SNAP91: variants seen among roughly 807,000 people sequenced by gnomAD.
SNAP91 encodes the protein synaptosome associated protein 91.
A neutral mutation model predicts 100.3 loss-of-function variants in SNAP91; 27 were observed. The ratio of observed to expected loss-of-function variants is 0.27; its 90% CI spans 0.20 to 0.37. The LOEUF (loss-of-function observed/expected upper bound fraction) is 0.37, where lower values mean the gene tolerates loss of function less well. SNAP91 is among the 10% of genes least tolerant of loss of function. The pLI is 1.00. For missense variants in SNAP91, 986 were observed against 1,123.7 expected (o/e 0.88, Z 1.75); for synonymous variants, 404 against 398.6 (o/e 1.01, Z -0.16).
chr6:83,688,653 G>C (rs769605013), intron 2 of SNAP91, among the ~76,000 whole-genome samples: 2 of 152,018 alleles, frequency 1.3e-5, no homozygotes, highest in African/African-American at 2.4e-5. Flanking sequence ...ACAGACATAT[G>C]TTATCACACC....
In SNAP91 at chr6:83,556,238, G is replaced by T. The variant is rs1261149579; in HGVS notation, c.2639C>A (p.Pro880Gln). 1 of 1,532,264 alleles carries T rather than the reference G, an allele frequency of 6.5e-7. No individual in the cohort carries two copies. The highest frequency in any genetic ancestry group is 2.6e-5 in the East Asian group (1 of 39,080). The allele number at this position is 1,532,264 out of a possible 1,614,324, so 94.9% of individuals were successfully genotyped here. A position where few individuals can be genotyped will look rare whatever the true frequency, so the allele number is the denominator to read the frequency against. Residue 880 changes from proline to glutamine, a missense_variant, in exon 29 of 30, where the codon CCA (proline) becomes CAA (glutamine). Physicochemically the swap from Pro to Gln is moderately conservative, Grantham distance 76. This residue lies in a region of SNAP91 where 71 missense variants were observed against 68.5 expected (regional missense o/e 1.04). Transcript: ENST00000369694. ...ACTCTGACTGGCAGGTGTAGGGCTT[G>T]GAGAAAGCTAATGGGAAAAAGCCAG... ...AAAVPGTQLS[P>Q]SPTPASQSPK...
Position 83,612,761 on chromosome 6 carries a change from C to T in SNAP91, c.885-2084G>A, listed in dbSNP as rs149770022. ...TAAAAATTAGCTGGGTGTGGTGGCACGCGCCTGTAATCCCAGCTACTCAGG... is the reference window on the plus strand; with the variant it reads ...TAAAAATTAGCTGGGTGTGGTGGCATGCGCCTGTAATCCCAGCTACTCAGG... On this transcript the variant is annotated intron_variant, in intron 11 of 29. Coordinates refer to ENST00000369694, the MANE Select transcript of SNAP91 (RefSeq NM_001242792.2). Among the ~76,000 whole-genome samples, 1,113 of 151,684 alleles carry T rather than the reference C, an allele frequency of 7.3e-3. 7 individuals are homozygous for T. Among genetic ancestry groups the T allele is most frequent in the Non-Finnish European group, 7.9e-3 (533 of 67,876 alleles).
chr6:83,654,933 T>C (rs2098352135), intron 7 of SNAP91, among the ~76,000 whole-genome samples: 1 of 152,174 alleles, frequency 6.6e-6, no homozygotes, highest in South Asian at 2.1e-4. Flanking sequence ...CCATCAGAAG[T>C]AGTTTTCTGT....
At chr6:83,667,170 T>C (rs1012297189) in intron 2 of SNAP91, among the ~76,000 whole-genome samples, 6 of 152,068 alleles carry the variant, frequency 3.9e-5, no homozygotes, top group African/African-American at 1.2e-4. Context: ...CAAAGTACCA[T>C]ATAGACCAAT....
chr6:83,608,476 A>G (rs2095789389), intron 12 of SNAP91, among the ~76,000 whole-genome samples: 1 of 152,168 alleles, frequency 6.6e-6, no homozygotes, highest in African/African-American at 2.4e-5. Flanking sequence ...TAACTAAACA[A>G]TTTTGTCTGG....
rs569953438 is a variant in SNAP91 at position 83,686,150 on chromosome 6, T to C, written c.131-20569A>G. On this transcript the variant is annotated intron_variant, in intron 2 of 29. Coordinates refer to ENST00000369694, the MANE Select transcript of SNAP91 (RefSeq NM_001242792.2). The stretch of plus-strand genomic sequence containing the variant: ...TACCTCAGTTGCTTAAATTCTAGCC[T>C]TCCTTAATATCCCACAATCAACACT... 2.4e-5 allele frequency: 24 copies of C among 985,176 alleles called. No individual in the cohort carries two copies. The South Asian group carries it at 9.4e-4, about 39-fold the overall frequency. The allele number at this position is 985,176 out of a possible 1,614,324, so 61.0% of individuals were successfully genotyped here.
chr6:83,588,237 A>T (rs1355847501), intron 22 of SNAP91, among the ~76,000 whole-genome samples: 1 of 152,230 alleles, frequency 6.6e-6, no homozygotes, highest in African/African-American at 2.4e-5. Context: ...AGCAAATGAG[A>T]CATTAAACTC....
intron 2 of SNAP91, among the ~76,000 whole-genome samples, chr6:83,701,509 C>T (rs896194087): frequency 3.8e-4 from 57 of 151,560 alleles, no homozygotes; most frequent in Admixed American, 2.6e-4. Flanking sequence ...TACAATGGCG[C>T]GATCTCGGCT....
At chr6:83,613,620 G>A (rs1048011301) in intron 11 of SNAP91, among the ~76,000 whole-genome samples, 6 of 152,120 alleles carry the variant, frequency 3.9e-5, no homozygotes, top group African/African-American at 1.4e-4. Context: ...ATGCTTTAAC[G>A]GTGGATTCCA....
chr6:83,654,021 C>T (rs890795800), intron 7 of SNAP91, among the ~76,000 whole-genome samples: 4 of 152,114 alleles, frequency 2.6e-5, no homozygotes, highest in Non-Finnish European at 4.4e-5. Context: ...TTCTCCTCCC[C>T]GTCCTGGAAG....
intron 26 of SNAP91, among the ~76,000 whole-genome samples, chr6:83,567,943 C>T (rs893801568): frequency 2.6e-5 from 4 of 151,988 alleles, no homozygotes; most frequent in African/African-American, 9.7e-5. Context: ...GTTGTGATTC[C>T]TCAGGGATCT....
intron 2 of SNAP91, among the ~76,000 whole-genome samples, chr6:83,668,390 T>C (rs925246990): frequency 6.6e-6 from 1 of 152,176 alleles, no homozygotes; most frequent in Admixed American, 6.6e-5. Context: ...CGTATGTTTA[T>C]TGCAGCAATA....
chr6:83,627,257 T>G (rs1304325407), intron 8 of SNAP91, among the ~76,000 whole-genome samples: 11 of 152,130 alleles, frequency 7.2e-5, no homozygotes, highest in Admixed American at 7.2e-4. Flanking sequence ...TTGCTATTAT[T>G]TTGTTGAGGA....
At chr6:83,662,764 C>G (rs1408623342) in intron 3 of SNAP91, among the ~76,000 whole-genome samples, 1 of 152,034 alleles carries the variant, frequency 6.6e-6, no homozygotes, top group East Asian at 1.9e-4. Flanking sequence ...GAAATCTTTC[C>G]TATGGGAAAA....
At chr6:83,633,814 G>T (rs1188242099) in intron 8 of SNAP91, among the ~76,000 whole-genome samples, 2 of 152,060 alleles carry the variant, frequency 1.3e-5, no homozygotes, top group Non-Finnish European at 1.5e-5. Context: ...TCCCAGCTGC[G>T]AAGGCAAATA....
intron 2 of SNAP91, among the ~76,000 whole-genome samples, chr6:83,702,150 GT>G (rs1192904651): frequency 2.0e-5 from 3 of 152,164 alleles, no homozygotes; most frequent in Non-Finnish European, 4.4e-5. Context: ...AAGGATAAAT[GT>G]TTTTAATGGC....
chr6:83,575,976 T>C, intron 25 of SNAP91, 47 bp downstream of exon 25: 2 of 1,096,640 alleles, frequency 1.8e-6, no homozygotes, highest in Non-Finnish European at 2.6e-6. Flanking sequence ...CTCAAATGAA[T>C]ACAAATATAC....
At chr6:83,589,966 T>C (rs995449878) in intron 22 of SNAP91, among the ~76,000 whole-genome samples, 2 of 152,220 alleles carry the variant, frequency 1.3e-5, no homozygotes, top group Admixed American at 1.3e-4. Flanking sequence ...ACTATTCATA[T>C]GCTTTATCAA....
chr6:83,696,004 C>A (rs2099204774), intron 2 of SNAP91, among the ~76,000 whole-genome samples: 1 of 152,030 alleles, frequency 6.6e-6, no homozygotes, highest in Non-Finnish European at 1.5e-5. Context: ...GGTCACAGCC[C>A]ACTCATTAGC....
Sources: allele counts gnomAD v4.1 joint callset (sites outside exome capture counted in the v4.1 genomes callset), GRCh38; gene constraint gnomAD v4.1.1; regional missense constraint gnomAD v4.1.1; transcripts MANE v1.5; gene names NCBI Gene and HGNC (gene_info 2026-07-23, HGNC 2026-07-21).